The following VWA8 variants were observed in gnomAD, a reference collection of about 807,000 sequenced individuals.
VWA8 encodes von Willebrand factor A domain-containing protein 8.
In VWA8, 221 loss-of-function variants were observed where a neutral mutation model predicts 241.5. The observed-to-expected ratio is 0.91, with a 90% CI of 0.82 to 1.02. VWA8 has a LOEUF of 1.02. Ranked by LOEUF, VWA8 falls within the 50% of genes least tolerant of loss-of-function variation. The pLI is 0.00. For missense variants in VWA8, 2,322 were observed against 2,328.7 expected, an observed-to-expected ratio of 1.00 and a Z score of 0.06; for synonymous variants, 852 against 827.1, an observed-to-expected ratio of 1.03 and a Z score of -0.52.
intron 15 of VWA8, among the ~76,000 whole-genome samples, chr13:41,818,805 A>T (rs1261508573): frequency 6.6e-6 from 1 of 152,174 alleles, no homozygotes; most frequent in African/African-American, 2.4e-5. Flanking sequence ...AGGAACTTAA[A>T]ATAGTCACTT....
intron 12 of VWA8, among the ~76,000 whole-genome samples, chr13:41,860,402 A>G (rs1872955111): frequency 6.6e-6 from 1 of 152,166 alleles, no homozygotes; most frequent in Non-Finnish European, 1.5e-5. Context: ...GTGCCTTTCA[A>G]TTATCATCAT....
intron 28 of VWA8, among the ~76,000 whole-genome samples, chr13:41,700,396 T>C (rs941133146): frequency 6.7e-6 from 1 of 149,612 alleles, no homozygotes; most frequent in Non-Finnish European, 1.5e-5. Context: ...AAAAGACCTA[T>C]TTTTTTAGGA....
chr13:41,949,796 G>A, intron 2 of VWA8, 140 bp downstream of exon 2: 1 of 461,604 alleles, frequency 2.2e-6, no homozygotes, highest in Admixed American at 4.1e-5. Flanking sequence ...AAAGAAGATT[G>A]GCATAATATT....
chr13:41,662,535 T>C lies in VWA8; in HGVS notation c.4611+8411A>G, dbSNP rs573489442. Among the ~76,000 whole-genome samples the C allele has an allele frequency of 8.9e-4, 135 of 151,458 alleles. 2 individuals are homozygous for C. Among genetic ancestry groups the C allele is most frequent in the African/African-American group, 3.0e-3 (123 of 41,472 alleles). On this transcript the variant is annotated intron_variant, in intron 37 of 44. Coordinates refer to ENST00000379310, the MANE Select transcript of VWA8 (RefSeq NM_015058.2). ...AGAGTAGTTTCTTTTGCTTGTTTGT[T>C]TTGTCTTTTTTTTTTTTAATAGATT... is the stretch of plus-strand genomic sequence containing the variant.
At chr13:41,873,183 G>A (rs1419527781) in intron 9 of VWA8, among the ~76,000 whole-genome samples, 1 of 151,928 alleles carries the variant, frequency 6.6e-6, no homozygotes, top group East Asian at 1.9e-4. Flanking sequence ...ATTCAAAGCA[G>A]TGTGTAGAGG....
At chr13:41,633,911 T>C (rs1243083331) in intron 37 of VWA8, among the ~76,000 whole-genome samples, 1 of 152,200 alleles carries the variant, frequency 6.6e-6, no homozygotes, top group African/African-American at 2.4e-5. Flanking sequence ...ACTAGAGTCC[T>C]GGATGCCATT....
At chr13:41,693,121 G>A (rs746942648) in intron 29 of VWA8, 149 bp from the exon 30 acceptor site, 9 of 517,938 alleles carry the variant, frequency 1.7e-5, no homozygotes, top group Non-Finnish European at 2.7e-5. Context: ...ATATCACAAA[G>A]ACATTAAGTG....
At chr13:41,659,152 T>A (rs1183380611) in intron 37 of VWA8, among the ~76,000 whole-genome samples, 1 of 152,236 alleles carries the variant, frequency 6.6e-6, no homozygotes, top group Non-Finnish European at 1.5e-5. Context: ...AGTAACAACA[T>A]CACCCATCAT....
chr13:41,956,845 T>C (rs1269001495), intron 1 of VWA8, among the ~76,000 whole-genome samples: 1 of 152,208 alleles, frequency 6.6e-6, no homozygotes, highest in Non-Finnish European at 1.5e-5. Flanking sequence ...TAAACAATCA[T>C]GTACAATGAT....
At chr13:41,847,152 G>T (rs1027267775) in intron 12 of VWA8, among the ~76,000 whole-genome samples, 2 of 151,998 alleles carry the variant, frequency 1.3e-5, no homozygotes, top group Non-Finnish European at 2.9e-5. Context: ...CAGGTGCTGA[G>T]AATTCAGTAG....
chr13:41,867,097 T>A (rs1252508764), intron 10 of VWA8, among the ~76,000 whole-genome samples: 3 of 152,210 alleles, frequency 2.0e-5, no homozygotes, highest in Non-Finnish European at 4.4e-5. Flanking sequence ...TGGAAGAGAC[T>A]AGAGGCAATG....
At chr13:41,588,057 G>A (rs541615347) in intron 41 of VWA8, among the ~76,000 whole-genome samples, 9 of 152,312 alleles carry the variant, frequency 5.9e-5, no homozygotes, top group South Asian at 2.1e-4. Context: ...GCAAGAGTTT[G>A]TGTTATTTTG....
intron 43 of VWA8, among the ~76,000 whole-genome samples, chr13:41,572,062 T>C (rs34062381): frequency 0.17 from 25,183 of 147,706 alleles, 2,211 homozygotes; most frequent in Admixed American, 0.26. Flanking sequence ...AGGTGAGGAG[T>C]GTCTCTGATC....
chr13:41,956,815 T>TATA (rs1156705250), intron 1 of VWA8, among the ~76,000 whole-genome samples: 9 of 152,314 alleles, frequency 5.9e-5, no homozygotes, highest in Admixed American at 6.5e-5. Flanking sequence ...TGGACAAACA[T>TATA]ATAAACTTAA....
At chr13:41,646,945 T>A (rs1053132018) in intron 37 of VWA8, among the ~76,000 whole-genome samples, 2 of 152,242 alleles carry the variant, frequency 1.3e-5, no homozygotes, top group Admixed American at 6.5e-5. Flanking sequence ...GTGTACTATG[T>A]AATCTGTTTG....
intron 2 of VWA8, among the ~76,000 whole-genome samples, chr13:41,942,082 T>C (rs936613226): frequency 6.6e-6 from 1 of 152,210 alleles, no homozygotes; most frequent in East Asian, 1.9e-4. Context: ...CCAATTATCA[T>C]GTGCCCATGG....
At chr13:41,574,047 G>A (rs1339196159) in intron 43 of VWA8, among the ~76,000 whole-genome samples, 2 of 152,048 alleles carry the variant, frequency 1.3e-5, no homozygotes, top group African/African-American at 4.8e-5. Flanking sequence ...ATTATGCATT[G>A]CATGCCCGTA....
chr13:41,790,455 C>T (rs886349277), intron 17 of VWA8, among the ~76,000 whole-genome samples: 2 of 152,036 alleles, frequency 1.3e-5, no homozygotes, highest in African/African-American at 4.8e-5. Flanking sequence ...TTTCTGACAA[C>T]TGCATGCAAA....
chr13:41,846,396 A>C (rs1392357281), intron 12 of VWA8, among the ~76,000 whole-genome samples: 3 of 152,182 alleles, frequency 2.0e-5, no homozygotes, highest in Non-Finnish European at 4.4e-5. Context: ...AAAGTGAGGA[A>C]GGCTGGGATT....
Sources: allele counts gnomAD v4.1 joint callset (sites outside exome capture counted in the v4.1 genomes callset), GRCh38; gene constraint gnomAD v4.1.1; transcripts MANE v1.5; gene names NCBI Gene and HGNC (gene_info 2026-07-23, HGNC 2026-07-21).